SLC24A2: variants seen among roughly 807,000 people sequenced by gnomAD.
SLC24A2 encodes sodium/potassium/calcium exchanger 2.
Under a neutral mutation model 62.0 loss-of-function variants are expected in SLC24A2, and 36 were observed. The observed-to-expected ratio is 0.58, with a 90% CI of 0.44 to 0.77. The LOEUF is 0.77. SLC24A2 is among the 30% of genes least tolerant of loss of function. The pLI is 0.00. For synonymous variants in SLC24A2, 358 were observed against 294.0 expected (o/e 1.22, Z -2.23); for missense variants, 846 against 817.9 (o/e 1.03, Z -0.42).
chr9:19,962,390 T>C, the SLC24A2 span, among the ~76,000 whole-genome samples: 1 of 152,332 alleles, frequency 6.6e-6, no homozygotes, highest in South Asian at 2.1e-4. Context: ...TTTTTTCCAA[T>C]TCTGTGAAGA....
At chr9:19,953,356 G>C in the SLC24A2 span, among the ~76,000 whole-genome samples, 1 of 151,966 alleles carries the variant, frequency 6.6e-6, no homozygotes, top group Non-Finnish European at 1.5e-5. Flanking sequence ...AACAACTATA[G>C]TTTTCAATGT....
Position 19,786,212 on chromosome 9 carries a change from C to A in SLC24A2, c.655G>T (p.Val219Phe). ...VGSAVFNILF[V>F]IGMCALFSRE... ...GAAAACAGAGCACACATGCCAATAA[C>A]AAAGAGGATGTTGAATACTGCTGAA... The change falls in exon 2 of 11, where the codon GTT (valine) becomes TTT (phenylalanine). Residue 219 changes from valine (V) to phenylalanine (F), a missense_variant. Transcript: ENST00000341998. The surrounding 1 kb of genome is among the most constrained non-coding windows in gnomAD (Gnocchi z 5.0). The A allele has an allele frequency of 6.2e-7, 1 of 1,614,112 alleles. No homozygotes were observed. Among genetic ancestry groups the A allele is most frequent in the Non-Finnish European group, 8.5e-7 (1 of 1,180,040 alleles).
chr9:20,263,168 T>C, the SLC24A2 span, among the ~76,000 whole-genome samples: 2 of 152,242 alleles, frequency 1.3e-5, no homozygotes, highest in Admixed American at 6.5e-5. Flanking sequence ...ACTGGTTTGT[T>C]CTGAGGTTAA....
chr9:19,845,684 C>T, the SLC24A2 span, among the ~76,000 whole-genome samples: 2,407 of 152,114 alleles, frequency 0.016, 69 homozygotes, highest in African/African-American at 0.055. Context: ...GATGTCAGAA[C>T]ATTATTCTGG....
chr9:19,853,472 G>A, the SLC24A2 span, among the ~76,000 whole-genome samples: 1 of 151,960 alleles, frequency 6.6e-6, no homozygotes, highest in African/African-American at 2.4e-5. Flanking sequence ...ATTATTTTGA[G>A]GTATGTTCCT....
intron 8 of SLC24A2, among the ~76,000 whole-genome samples, chr9:19,528,745 G>A (rs1370970723): frequency 6.6e-6 from 1 of 152,088 alleles, no homozygotes; most frequent in East Asian, 1.9e-4. Context: ...CCAGGACACT[G>A]GAACCACCCA....
At chr9:19,688,309 T>C (rs534928195) in intron 2 of SLC24A2, among the ~76,000 whole-genome samples, 1 of 152,250 alleles carries the variant, frequency 6.6e-6, no homozygotes, top group East Asian at 1.9e-4. Context: ...CCTCAGTTTC[T>C]TTGATTGCAA....
At chr9:19,648,915 C>G (rs546178981) in intron 2 of SLC24A2, among the ~76,000 whole-genome samples, 1 of 146,578 alleles carries the variant, frequency 6.8e-6, no homozygotes, top group South Asian at 2.1e-4. Context: ...TTTAATAAAG[C>G]TGATTTCACT....
At chr9:20,298,610 C>A in the SLC24A2 span, among the ~76,000 whole-genome samples, 2 of 152,244 alleles carry the variant, frequency 1.3e-5, no homozygotes, top group Non-Finnish European at 2.9e-5. Flanking sequence ...ATACAATGTT[C>A]TATCTCAAAT....
chr9:19,927,736 G>C, the SLC24A2 span: 1 of 152,152 alleles, frequency 6.6e-6, no homozygotes, highest in Non-Finnish European at 1.5e-5. Flanking sequence ...TCTGACGGGA[G>C]AGCCAACCAA....
At chr9:20,133,750 G>T in the SLC24A2 span, among the ~76,000 whole-genome samples, 6 of 152,122 alleles carry the variant, frequency 3.9e-5, no homozygotes, top group Non-Finnish European at 8.8e-5. Flanking sequence ...TTGAATCAGG[G>T]TAAGTGGTTT....
the SLC24A2 span, among the ~76,000 whole-genome samples, chr9:20,184,086 C>G: frequency 6.6e-6 from 1 of 151,868 alleles, no homozygotes; most frequent in Non-Finnish European, 1.5e-5. Context: ...AACAAATAAC[C>G]CAATTTAAAA....
the SLC24A2 span, among the ~76,000 whole-genome samples, chr9:20,298,763 C>T: frequency 1.3e-5 from 2 of 152,242 alleles, no homozygotes; most frequent in African/African-American, 4.8e-5. Flanking sequence ...CTACTATCTT[C>T]ATTTTAGAAA....
At chr9:19,740,312 A>C (rs74345755) in intron 2 of SLC24A2, among the ~76,000 whole-genome samples, 1,723 of 152,326 alleles carry the variant, frequency 0.011, 30 homozygotes, top group African/African-American at 0.04. Context: ...AATAGTCAAG[A>C]GCTGGAAATA....
chr9:19,590,865 C>A (rs1836530004), intron 5 of SLC24A2, among the ~76,000 whole-genome samples: 1 of 152,302 alleles, frequency 6.6e-6, no homozygotes, highest in African/African-American at 2.4e-5. Context: ...TTTCTGTCCA[C>A]CACTCACTTT....
chr9:20,095,592 T>A, the SLC24A2 span, among the ~76,000 whole-genome samples: 1 of 152,102 alleles, frequency 6.6e-6, no homozygotes, highest in Non-Finnish European at 1.5e-5. Context: ...AAGTGAAACA[T>A]TGGCTCTTCT....
At chr9:19,751,874 G>C (rs1171187446) in intron 2 of SLC24A2, among the ~76,000 whole-genome samples, 2 of 152,200 alleles carry the variant, frequency 1.3e-5, no homozygotes, top group Non-Finnish European at 2.9e-5. Context: ...GATAGAAGAA[G>C]ACTTGGCTGA....
the SLC24A2 span, among the ~76,000 whole-genome samples, chr9:20,264,289 T>G: frequency 6.6e-6 from 1 of 152,240 alleles, no homozygotes; most frequent in Non-Finnish European, 1.5e-5. Flanking sequence ...GAAGATTACA[T>G]GAGTTCCTGC....
At chr9:19,867,343 G>T in the SLC24A2 span, among the ~76,000 whole-genome samples, 22 of 152,134 alleles carry the variant, frequency 1.4e-4, no homozygotes, top group Admixed American at 1.4e-3. Context: ...TCAAAATTAT[G>T]AATTCAATTT....
Sources: allele counts gnomAD v4.1 joint callset (sites outside exome capture counted in the v4.1 genomes callset), GRCh38; gene constraint gnomAD v4.1.1; non-coding constraint Gnocchi (gnomAD v3.1); transcripts MANE v1.5; gene names NCBI Gene and HGNC (gene_info 2026-07-23, HGNC 2026-07-21).